The following SMIM14 variants were observed in gnomAD, a reference collection of about 807,000 sequenced individuals.
SMIM14 encodes the protein chromosome 4 open reading frame 34.
SMIM14 carries 5 observed loss-of-function variants against 12.6 expected under a neutral mutation model. That is an observed-to-expected ratio of 0.40 (90% CI 0.21 to 0.83). The LOEUF (loss-of-function observed/expected upper bound fraction) is 0.83, where lower values mean the gene tolerates loss of function less well. Ranked by LOEUF, SMIM14 falls within the 40% of genes least tolerant of loss-of-function variation. SMIM14 has a pLI of 0.37. For synonymous variants in SMIM14, 30 were observed against 40.1 expected, an observed-to-expected ratio of 0.75 and a Z score of 0.95; for missense variants, 86 against 119.1, an observed-to-expected ratio of 0.72 and a Z score of 1.29.
At chr4:39,628,314 A>C (rs909441482) in intron 1 of SMIM14, among the ~76,000 whole-genome samples, 1 of 151,538 alleles carries the variant, frequency 6.6e-6, no homozygotes, top group Non-Finnish European at 1.5e-5. Context: ...CACAAAAAAA[A>C]AAAAAAGAAA....
intron 1 of SMIM14, among the ~76,000 whole-genome samples, chr4:39,635,383 G>A (rs1716051638): frequency 6.6e-6 from 1 of 152,142 alleles, no homozygotes; most frequent in African/African-American, 2.4e-5. Flanking sequence ...GAATATGGAT[G>A]GAAAACTTTC....
chr4:39,630,619 T>C (rs1225985148), intron 1 of SMIM14, among the ~76,000 whole-genome samples: 1 of 152,142 alleles, frequency 6.6e-6, no homozygotes, highest in African/African-American at 2.4e-5. Flanking sequence ...CCCAGCACTT[T>C]GGGAAGCCAA....
chr4:39,618,669 A>C (rs919217504), intron 1 of SMIM14, among the ~76,000 whole-genome samples: 40 of 151,540 alleles, frequency 2.6e-4, no homozygotes, highest in South Asian at 1.2e-3. Context: ...AAAAAACAAA[A>C]AAAAAAAACC....
At chr4:39,625,630 G>A (rs545319452) in intron 1 of SMIM14, among the ~76,000 whole-genome samples, 2 of 152,208 alleles carry the variant, frequency 1.3e-5, no homozygotes, top group East Asian at 1.9e-4. Flanking sequence ...TAGTAGAGAC[G>A]GGGTTTCACC....
intron 2 of SMIM14, among the ~76,000 whole-genome samples, chr4:39,583,312 G>C (rs899735715): frequency 6.6e-6 from 1 of 151,920 alleles, no homozygotes; most frequent in African/African-American, 2.4e-5. Flanking sequence ...TGCCCAGGCT[G>C]GTCTCAAACT....
Position 39,558,813 on chromosome 4 carries a change from A to G in SMIM14, c.125-2243T>C, listed in dbSNP as rs1249948454. On this transcript the variant is annotated intron_variant, in intron 3 of 4. Transcript: ENST00000295958. The surrounding 1 kb of genome is among the most constrained non-coding windows in gnomAD (Gnocchi z 4.3). Reference sequence around the variant, plus strand: ...AACCTCCACCTCCCGGGTTCAAGCAATTCTCCTGTCTCAGTCTCCCCTGTA... The same window carrying G: ...AACCTCCACCTCCCGGGTTCAAGCAGTTCTCCTGTCTCAGTCTCCCCTGTA... 2.6e-5 allele frequency among the ~76,000 whole-genome samples: 4 copies of G among 152,142 alleles called. No homozygotes were observed. The highest frequency in any genetic ancestry group is 5.9e-5 in the Non-Finnish European group (4 of 68,030).
intron 2 of SMIM14, among the ~76,000 whole-genome samples, chr4:39,599,630 A>G (rs1714518754): frequency 6.6e-6 from 1 of 152,112 alleles, no homozygotes; most frequent in Admixed American, 6.6e-5. Flanking sequence ...TGTGGGTTGA[A>G]AGAAGAGGGT....
chr4:39,571,807 A>G (rs1257967457), intron 3 of SMIM14, among the ~76,000 whole-genome samples: 1 of 144,760 alleles, frequency 6.9e-6, no homozygotes, highest in African/African-American at 2.5e-5. Flanking sequence ...AAGTTCTTCT[A>G]TTTTTTTTTT....
intron 2 of SMIM14, among the ~76,000 whole-genome samples, chr4:39,599,948 A>AG (rs1714537486): frequency 6.6e-6 from 1 of 151,956 alleles, no homozygotes; most frequent in African/African-American, 2.4e-5. Flanking sequence ...AAAAAAAAAA[A>AG]AAAGAAAAAG....
chr4:39,606,734 GC>G (rs907268901), intron 1 of SMIM14, among the ~76,000 whole-genome samples: 1 of 151,998 alleles, frequency 6.6e-6, no homozygotes, highest in African/African-American at 2.4e-5. Context: ...CCTATCACTG[GC>G]CCAGTTTACT....
intron 3 of SMIM14, among the ~76,000 whole-genome samples, chr4:39,571,749 T>G (rs1270446210): frequency 1.3e-5 from 2 of 152,036 alleles, no homozygotes; most frequent in Non-Finnish European, 2.9e-5. Context: ...AAAAAAAGAC[T>G]AGGATATACC....
chr4:39,577,900 G>C (rs1306904617), intron 2 of SMIM14, among the ~76,000 whole-genome samples: 1 of 152,176 alleles, frequency 6.6e-6, no homozygotes, highest in Non-Finnish European at 1.5e-5. Context: ...CTGCCCTTCT[G>C]TGGCTTGACG....
chr4:39,561,859 C>T lies in SMIM14; in HGVS notation c.125-5289G>A, dbSNP rs190243902. 1.4e-4 allele frequency among the ~76,000 whole-genome samples: 21 copies of T among 152,044 alleles called. 2 individuals are homozygous for T. The East Asian group carries it at 1.6e-3, about 11-fold the overall frequency. On this transcript the variant is annotated intron_variant, in intron 3 of 4. Coordinates refer to ENST00000295958, the MANE Select transcript of SMIM14 (RefSeq NM_174921.3). ...TTGTAGCGGAAAAATTGCTCGAACC[C>T]GGAAGACAGGTCGCAGTGAGCCGAG...
intron 1 of SMIM14, among the ~76,000 whole-genome samples, chr4:39,607,155 CAT>C (rs1184615379): frequency 5.3e-5 from 8 of 152,036 alleles, no homozygotes; most frequent in Admixed American, 2.6e-4. Flanking sequence ...TAAACAAAAA[CAT>C]ACATAGGCCA....
chr4:39,587,440 G>A (rs1301758314), intron 2 of SMIM14, among the ~76,000 whole-genome samples: 1 of 143,140 alleles, frequency 7.0e-6, no homozygotes, highest in African/African-American at 2.6e-5. Flanking sequence ...GAGCTTGCAG[G>A]AGCCAAGATC....
chr4:39,609,674 T>G (rs1163401262), intron 1 of SMIM14, among the ~76,000 whole-genome samples: 2 of 152,194 alleles, frequency 1.3e-5, no homozygotes, highest in African/African-American at 4.8e-5. Context: ...TTTCCGGCTA[T>G]GTTCATGATT....
chr4:39,560,608 T>C (rs10023752), intron 3 of SMIM14, among the ~76,000 whole-genome samples: 18,783 of 150,752 alleles, frequency 0.12, 2,668 homozygotes, highest in African/African-American at 0.35. Flanking sequence ...ATCGCGCCAC[T>C]GCACTCCAGC....
chr4:39,632,780 CA>C (rs1447285951), intron 1 of SMIM14, among the ~76,000 whole-genome samples: 10 of 20,878 alleles, frequency 4.8e-4, no homozygotes, highest in Non-Finnish European at 6.2e-4. Context: ...TCCCGTCACA[CA>C]CACACACACA....
Position 39,564,315 on chromosome 4 carries a change from A to AG in SMIM14, c.125-7746dup, listed in dbSNP as rs1712466283. Among the ~76,000 whole-genome samples the AG allele has an allele frequency of 2.0e-5, 3 of 152,194 alleles. No individual in the cohort carries two copies. The South Asian group carries it at 6.2e-4, about 31-fold the overall frequency. ...AGCTACCAGTTTTCAAGCTGAGTCA[A>AG]GGGTGATCTCTATCATTCCCTAATG... is the stretch of plus-strand genomic sequence containing the variant. On this transcript the variant is annotated intron_variant, in intron 3 of 4. Coordinates refer to ENST00000295958, the MANE Select transcript of SMIM14 (RefSeq NM_174921.3).
Sources: gnomAD v4.1 joint callset for allele counts (sites outside exome capture counted in the v4.1 genomes callset) on GRCh38, gnomAD v4.1.1 for gene constraint, Gnocchi (gnomAD v3.1) non-coding constraint, MANE v1.5 for transcripts, NCBI Gene and HGNC (gene_info 2026-07-23, HGNC 2026-07-21) for gene names.